Variants in PAK2 observed in about 807,000 individuals in gnomAD.
PAK2 encodes serine/threonine-protein kinase PAK 2.
A neutral mutation model predicts 65.9 loss-of-function variants in PAK2; 21 were observed. The ratio of observed to expected loss-of-function variants is 0.32; its 90% CI spans 0.23 to 0.46. PAK2 has a LOEUF of 0.46. PAK2 is among the 20% of genes least tolerant of loss of function. The pLI, the probability that PAK2 is intolerant of heterozygous loss-of-function variation, is 1.00. For missense variants in PAK2, 324 were observed against 642.6 expected (o/e 0.50, Z 5.36); for synonymous variants, 204 against 219.7 (o/e 0.93, Z 0.63).
intron 9 of PAK2, 31 bp downstream of exon 9, chr3:196,812,298 C>T: frequency 7.3e-7 from 1 of 1,365,790 alleles, no homozygotes; most frequent in Middle Eastern, 1.8e-4. Flanking sequence ...CTGGGTGTTA[C>T]CATTATTTTG....
chr3:196,829,225 G>A lies in PAK2; in HGVS notation c.*820G>A, dbSNP rs1322299666. ...TCTGCCTGTTTCCCCTTCAGGCTTGGCTCTAGGAACCAAAGTGATTTGTTG... is the reference window on the plus strand; with the variant it reads ...TCTGCCTGTTTCCCCTTCAGGCTTGACTCTAGGAACCAAAGTGATTTGTTG... On this transcript the variant is annotated 3_prime_UTR_variant, in exon 15 of 15. Transcript: ENST00000327134. 2.6e-5 allele frequency: 4 copies of A among 152,594 alleles called. No individual in the cohort carries two copies. Among genetic ancestry groups the A allele is most frequent in the African/African-American group, 9.7e-5 (4 of 41,444 alleles). The allele number at this position is 152,594 out of a possible 1,614,324, so 9.5% of individuals were successfully genotyped here.
intron 2 of PAK2, among the ~76,000 whole-genome samples, chr3:196,798,740 T>C (rs1040953871): frequency 1.3e-5 from 2 of 152,210 alleles, no homozygotes; most frequent in African/African-American, 4.8e-5. Context: ...GGTTTAAGTT[T>C]GAAAATCGAT....
intron 11 of PAK2, among the ~76,000 whole-genome samples, chr3:196,815,861 T>C (rs1023659124): frequency 5.3e-5 from 8 of 152,084 alleles, no homozygotes; most frequent in Admixed American, 2.6e-4. Flanking sequence ...AGGACACTTA[T>C]TTGCCTTCAG....
chr3:196,813,755 T>G (rs75540841), intron 10 of PAK2, among the ~76,000 whole-genome samples: 1 of 151,900 alleles, frequency 6.6e-6, no homozygotes, highest in African/African-American at 2.4e-5. Flanking sequence ...ATCGAGACCA[T>G]CCTGGCCAAC....
chr3:196,759,488 G>GTTT lies in PAK2; in HGVS notation c.-22+19331_-22+19332insTTT, dbSNP rs1560092714. The stretch of plus-strand genomic sequence containing the variant: ...CACCCTTTAAGGTATACAGTTAAGT[G>GTTT]GTTTTTTTTGTTTTTTTTTTTTTTT... On this transcript the variant is annotated intron_variant, in intron 1 of 14. Coordinates refer to ENST00000327134, the MANE Select transcript of PAK2 (RefSeq NM_002577.4). Among the ~76,000 whole-genome samples, 26 of 111,142 alleles carry GTTT rather than the reference G, an allele frequency of 2.3e-4. 1 individual carries two copies. The highest frequency in any genetic ancestry group is 4.3e-4 in the Non-Finnish European group (24 of 56,104). 72.9% of individuals were successfully genotyped at this position (111,142 alleles called of 152,430 possible). A position where few individuals can be genotyped will look rare whatever the true frequency, so the allele number is the denominator to read the frequency against.
chr3:196,781,556 A>T (rs1041314164), intron 1 of PAK2, among the ~76,000 whole-genome samples: 2 of 152,226 alleles, frequency 1.3e-5, no homozygotes, highest in Non-Finnish European at 2.9e-5. Flanking sequence ...TAATTTTGTC[A>T]GTATATCCAG....
intron 13 of PAK2, among the ~76,000 whole-genome samples, chr3:196,823,300 T>TC (rs1374968151): frequency 6.6e-6 from 1 of 152,142 alleles, no homozygotes; most frequent in Non-Finnish European, 1.5e-5. Context: ...CCCAAGTAAC[T>TC]CAACTGCATT....
chr3:196,782,682 A>G lies in PAK2; in HGVS notation c.36A>G (p.Pro12=), dbSNP rs1366501032. 1.2e-6 allele frequency: 2 copies of G among 1,609,732 alleles called. No homozygotes were observed. The highest frequency in any genetic ancestry group is 1.7e-6 in the Non-Finnish European group (2 of 1,177,600). The change falls in exon 2 of 15, where the codon CCA becomes CCG. Residue 12 remains proline (P), a synonymous_variant. Coordinates refer to ENST00000327134, the MANE Select transcript of PAK2 (RefSeq NM_002577.4). ...SDNGELEDKP[P]APPVRMSSTI... is the part of the protein sequence containing the mutation. Reference sequence around the variant, plus strand: ...ACGGAGAACTGGAAGATAAGCCTCCAGCACCTCCTGTGCGAATGAGCAGCA... The same window carrying G: ...ACGGAGAACTGGAAGATAAGCCTCCGGCACCTCCTGTGCGAATGAGCAGCA...
At position 196,759,114 on chromosome 3, in the gene PAK2, C is replaced by T. The variant is rs369959415; in HGVS notation, c.-22+18957C>T. On this transcript the variant is annotated intron_variant, in intron 1 of 14. Transcript: ENST00000327134. ...AAGAGTAAGCATAGAAGGTAGGAGG[C>T]ATGGCTGTGAGGTCGTTGAAGTGAT... Among the ~76,000 whole-genome samples the T allele has an allele frequency of 3.3e-5, 5 of 152,286 alleles. No homozygotes were observed. The South Asian group carries it at 1.0e-3, about 32-fold the overall frequency.
chr3:196,788,783 T>C (rs1341481003), intron 2 of PAK2, among the ~76,000 whole-genome samples: 1 of 152,174 alleles, frequency 6.6e-6, no homozygotes, highest in African/African-American at 2.4e-5. Context: ...GGGAAGAGCC[T>C]GTTTCAGTGG....
intron 10 of PAK2, among the ~76,000 whole-genome samples, chr3:196,813,441 G>A (rs1438709311): frequency 7.2e-6 from 1 of 139,102 alleles, no homozygotes; most frequent in Admixed American, 7.3e-5. Context: ...CTGGGCAATG[G>A]AATGAGACTC....
At position 196,831,536 on chromosome 3, in the gene PAK2, A is replaced by G. The variant is rs1712085937; in HGVS notation, c.*3131A>G. 1 of 152,182 alleles carries G rather than the reference A, an allele frequency of 6.6e-6. No individual in the cohort carries two copies. Among genetic ancestry groups the G allele is most frequent in the Admixed American group, 6.5e-5 (1 of 15,274 alleles). The allele number at this position is 152,182 out of a possible 1,614,324, so 9.4% of individuals were successfully genotyped here. ...TAGTATTCATTCTCTTCCCTTTAACATAGAAGTGTCCAGCTGCGTACAGTC... is the reference window on the plus strand; with the variant it reads ...TAGTATTCATTCTCTTCCCTTTAACGTAGAAGTGTCCAGCTGCGTACAGTC... On this transcript the variant is annotated 3_prime_UTR_variant, in exon 15 of 15. Coordinates refer to ENST00000327134, the MANE Select transcript of PAK2 (RefSeq NM_002577.4).
chr3:196,771,711 A>G (rs1714365702), intron 1 of PAK2, among the ~76,000 whole-genome samples: 2 of 152,094 alleles, frequency 1.3e-5, no homozygotes, highest in South Asian at 4.1e-4. Flanking sequence ...GGTGCTTGCC[A>G]CCACGCCTGG....
At chr3:196,815,954 C>T (rs978448087) in intron 11 of PAK2, among the ~76,000 whole-genome samples, 1 of 152,088 alleles carries the variant, frequency 6.6e-6, no homozygotes, top group African/African-American at 2.4e-5. Flanking sequence ...TAATGAATTT[C>T]TAGACATATT....
chr3:196,779,210 T>C (rs1376545712), intron 1 of PAK2, among the ~76,000 whole-genome samples: 1 of 152,242 alleles, frequency 6.6e-6, no homozygotes, highest in Non-Finnish European at 1.5e-5. Flanking sequence ...TATTCATTTA[T>C]TTATGTCAGT....
chr3:196,759,436 A>G (rs940858437), intron 1 of PAK2, among the ~76,000 whole-genome samples: 4 of 151,270 alleles, frequency 2.6e-5, no homozygotes, highest in African/African-American at 9.7e-5. Flanking sequence ...AATTTTAAAA[A>G]AACAGATATT....
intron 1 of PAK2, among the ~76,000 whole-genome samples, chr3:196,758,458 C>T (rs893809627): frequency 6.6e-6 from 1 of 152,014 alleles, no homozygotes; most frequent in Non-Finnish European, 1.5e-5. Flanking sequence ...AGGTCATGTG[C>T]GAAAGCTTCA....
chr3:196,824,128 C>T (rs9850916), intron 13 of PAK2, among the ~76,000 whole-genome samples: 13,920 of 152,124 alleles, frequency 0.092, 820 homozygotes, highest in South Asian at 0.15. Context: ...TGTAGTTCCA[C>T]GGAGAGTGCC....
intron 1 of PAK2, among the ~76,000 whole-genome samples, chr3:196,745,998 T>C (rs77657330): frequency 0.069 from 10,412 of 151,918 alleles, 510 homozygotes; most frequent in African/African-American, 0.15. Flanking sequence ...TTTTTTTCTT[T>C]TTCTTTCTTT....
Sources: gnomAD v4.1 joint callset for allele counts (sites outside exome capture counted in the v4.1 genomes callset) on GRCh38, gnomAD v4.1.1 for gene constraint, MANE v1.5 for transcripts, NCBI Gene and HGNC (gene_info 2026-07-23, HGNC 2026-07-21) for gene names.